ABCC12: variants seen among roughly 807,000 people sequenced by gnomAD.
The protein encoded by ABCC12 is ATP binding cassette subfamily C member 12, also known as ATP-binding cassette sub-family C member 12.
ABCC12 carries 142 observed loss-of-function variants against 151.1 expected under a neutral mutation model. The ratio of observed to expected loss-of-function variants is 0.94; its 90% CI spans 0.82 to 1.08. ABCC12 has a LOEUF of 1.08. Ranked by LOEUF, ABCC12 falls within the 50% of genes least tolerant of loss-of-function variation. ABCC12 has a pLI of 0.00. For missense variants in ABCC12, 1,638 were observed against 1,691.1 expected, an observed-to-expected ratio of 0.97 and a Z score of 0.55; for synonymous variants, 645 against 646.4, an observed-to-expected ratio of 1.00 and a Z score of 0.03.
intron 24 of ABCC12, among the ~76,000 whole-genome samples, chr16:48,094,448 CTAGAGTT>C (rs1412742673): frequency 6.6e-6 from 1 of 152,114 alleles, no homozygotes; most frequent in Non-Finnish European, 1.5e-5. Context: ...GCAGAGCATG[CTAGAGTT>C]TAAAGAGCAG....
intron 11 of ABCC12, among the ~76,000 whole-genome samples, chr16:48,126,774 C>T (rs1964253573): frequency 1.3e-5 from 2 of 152,196 alleles, no homozygotes; most frequent in Non-Finnish European, 2.9e-5. Flanking sequence ...ATTGCCCCCA[C>T]TGCTCCAGAG....
chr16:48,127,726 CA>C (rs1964286955), intron 11 of ABCC12, among the ~76,000 whole-genome samples: 1 of 152,094 alleles, frequency 6.6e-6, no homozygotes, highest in African/African-American at 2.4e-5. Context: ...TCAAAATTAT[CA>C]GTCATTATCA....
At chr16:48,112,218 A>C (rs1176826749) in intron 15 of ABCC12, among the ~76,000 whole-genome samples, 2 of 152,142 alleles carry the variant, frequency 1.3e-5, no homozygotes, top group Non-Finnish European at 2.9e-5. Flanking sequence ...CATGAGTCCA[A>C]AAAAAAGCCA....
chr16:48,107,786 G>A (rs1476603255), intron 19 of ABCC12, among the ~76,000 whole-genome samples: 1 of 152,232 alleles, frequency 6.6e-6, no homozygotes, highest in Non-Finnish European at 1.5e-5. Flanking sequence ...CGGATCACCT[G>A]AGGTCAGGAG....
chr16:48,128,338 G>A, intron 11 of ABCC12, 121 bp downstream of exon 11: 1 of 1,412,792 alleles, frequency 7.1e-7, no homozygotes, highest in Non-Finnish European at 9.6e-7. Context: ...CAGGGACTCT[G>A]GTTAGAGACA....
intron 9 of ABCC12, 41 bp downstream of exon 9, chr16:48,133,646 G>T (rs780074308): frequency 3.7e-6 from 6 of 1,605,710 alleles, no homozygotes; most frequent in Non-Finnish European, 5.1e-6. Flanking sequence ...ACTTGCCGGG[G>T]TCAGGTTGTG....
intron 25 of ABCC12, among the ~76,000 whole-genome samples, chr16:48,089,314 A>G (rs1962778264): frequency 6.6e-6 from 1 of 152,254 alleles, no homozygotes; most frequent in Non-Finnish European, 1.5e-5. Flanking sequence ...AAGGCCAGAC[A>G]TAGCCTTGAG....
chr16:48,105,793 G>C (rs1026839395), intron 20 of ABCC12, among the ~76,000 whole-genome samples: 2 of 152,202 alleles, frequency 1.3e-5, no homozygotes, highest in Non-Finnish European at 2.9e-5. Flanking sequence ...GCAGCCACCA[G>C]GCCTTCAGGG....
At position 48,111,446 on chromosome 16, in the gene ABCC12, T is replaced by A; in HGVS notation, c.2271A>T (p.Val757=). The change falls in exon 18 of 31, where the codon GTA becomes GTT. Residue 757 remains valine, a synonymous_variant. Transcript: ENST00000311303. The part of the protein sequence containing the change: ...GKESETGSEF[V]DTKVPEHQLI... ...ATGTGTGGTAAATACCTTTTGTGTC[T>A]ACAAATTCTGAGCCTGTTTCAGATT... 6.2e-7 allele frequency: 1 copy of A among 1,614,176 alleles called. No homozygotes were observed. The highest frequency in any genetic ancestry group is 8.5e-7 in the Non-Finnish European group (1 of 1,180,008).
In ABCC12 at chr16:48,104,298, T is replaced by C. The variant is rs1312066829; in HGVS notation, c.2744A>G (p.Asp915Gly). Residue 915 changes from aspartate to glycine, a missense_variant, in exon 22 of 31, where the codon GAT becomes GGT. Physicochemically the swap from Asp to Gly is moderately conservative, Grantham distance 94. Coordinates refer to ENST00000311303, the MANE Select transcript of ABCC12 (RefSeq NM_001393797.1). ...CAGCCTCACATCCAGCTCGTCCATATCCTTGGAAAAACGGTTCATTAGCCT... is the reference window on the plus strand; with the variant it reads ...CAGCCTCACATCCAGCTCGTCCATACCCTTGGAAAAACGGTTCATTAGCCT... ...TGRLMNRFSK[D>G]MDELDVRLPF... The C allele has an allele frequency of 6.2e-7, 1 of 1,614,228 alleles. No individual in the cohort carries two copies. The highest frequency in any genetic ancestry group is 1.1e-5 in the South Asian group (1 of 91,084).
In ABCC12 at chr16:48,083,797, A is replaced by G. The variant is rs779199856; in HGVS notation, c.3998T>C (p.Ile1333Thr). Residue 1333 changes from isoleucine to threonine, a missense_variant, in exon 31 of 31, where the codon ATT (isoleucine) becomes ACT (threonine). Transcript: ENST00000311303. ...AAGGACTTCAGGCTTGTCAAACTCA[A>G]TCACCTGAAAGTCAGAGAAGAAGAA... The part of the protein sequence containing the change: ...HVLVMENGKV[I>T]EFDKPEVLAE... 5 of 1,614,088 alleles carry G rather than the reference A, an allele frequency of 3.1e-6. No homozygotes were observed. The highest frequency in any genetic ancestry group is 8.5e-7 in the Non-Finnish European group (1 of 1,180,034).
chr16:48,130,587 C>G (rs1472571120), intron 10 of ABCC12, among the ~76,000 whole-genome samples: 2 of 152,166 alleles, frequency 1.3e-5, no homozygotes, highest in Non-Finnish European at 2.9e-5. Flanking sequence ...CTCGTCATTC[C>G]TACAGACAAC....
intron 23 of ABCC12, among the ~76,000 whole-genome samples, chr16:48,097,512 A>ACGTCC (rs367546072): frequency 1.2e-3 from 189 of 152,308 alleles, no homozygotes; most frequent in African/African-American, 4.2e-3. Context: ...TCCCTGCTGC[A>ACGTCC]CGTCCACGGA....
At chr16:48,134,065 C>G (rs1351984113) in intron 8 of ABCC12, among the ~76,000 whole-genome samples, 1 of 152,154 alleles carries the variant, frequency 6.6e-6, no homozygotes, top group Non-Finnish European at 1.5e-5. Flanking sequence ...CCTTCCAGCC[C>G]TGACACTCTG....
At chr16:48,124,529 C>T in intron 11 of ABCC12, among the ~76,000 whole-genome samples, 1 of 152,224 alleles carries the variant, frequency 6.6e-6, no homozygotes, top group Admixed American at 6.5e-5. Flanking sequence ...ACCCACAGGG[C>T]TTCTAGAAAT....
Position 48,104,656 on chromosome 16 carries a change from C to A in ABCC12, c.2674-288G>T, listed in dbSNP as rs1963424831. ...AGCCTGAGACGGGAGAGGCTGATGC[C>A]TTTGTCGGAGGAAGGAATTTTGTGC... On this transcript the variant is annotated intron_variant, in intron 21 of 30. Coordinates refer to ENST00000311303, the MANE Select transcript of ABCC12 (RefSeq NM_001393797.1). Among the ~76,000 whole-genome samples the A allele has an allele frequency of 2.0e-5, 3 of 152,212 alleles. No homozygotes were observed. In the South Asian group the frequency reaches 6.2e-4, roughly 32 times the overall value.
chr16:48,138,484 G>T, intron 7 of ABCC12, 109 bp from the exon 8 acceptor site: 1 of 1,306,836 alleles, frequency 7.7e-7, no homozygotes. Flanking sequence ...AAAGGAAGTT[G>T]GCTTCAGATT....
chr16:48,141,602 G>A (rs980372352), intron 4 of ABCC12, among the ~76,000 whole-genome samples: 1 of 152,176 alleles, frequency 6.6e-6, no homozygotes, highest in African/African-American at 2.4e-5. Context: ...CTTTTCCTCT[G>A]CCTACCACCC....
At chr16:48,135,540 C>A (rs918874938) in intron 8 of ABCC12, among the ~76,000 whole-genome samples, 2 of 151,970 alleles carry the variant, frequency 1.3e-5, no homozygotes, top group Admixed American at 6.6e-5. Context: ...ACCACCACAC[C>A]CAGATAATTT....
Sources: allele counts gnomAD v4.1 joint callset (sites outside exome capture counted in the v4.1 genomes callset), GRCh38; gene constraint gnomAD v4.1.1; transcripts MANE v1.5; gene names NCBI Gene and HGNC (gene_info 2026-07-23, HGNC 2026-07-21).